The following ATE1 variants were observed in gnomAD, a reference collection of about 807,000 sequenced individuals.
The protein encoded by ATE1 is arginyl-tRNA--protein transferase 1.
A neutral mutation model predicts 70.5 loss-of-function variants in ATE1; 36 were observed. The observed-to-expected ratio is 0.51, with a 90% CI of 0.39 to 0.67. The LOEUF is 0.67. ATE1 is among the 30% of genes least tolerant of loss of function. The probability of loss-of-function intolerance (pLI) is 0.00; values close to 1 mark genes in which losing one functional copy is unlikely to be tolerated. For missense variants in ATE1, 593 were observed against 629.5 expected, an observed-to-expected ratio of 0.94 and a Z score of 0.62; for synonymous variants, 232 against 219.3, an observed-to-expected ratio of 1.06 and a Z score of -0.51.
chr10:121,790,628 T>C (rs1248083738), intron 10 of ATE1, among the ~76,000 whole-genome samples: 1 of 152,188 alleles, frequency 6.6e-6, no homozygotes, highest in Non-Finnish European at 1.5e-5. Context: ...CAAATACTAG[T>C]TAATTAACAA....
chr10:121,852,249 C>T (rs1380023593), intron 8 of ATE1, among the ~76,000 whole-genome samples: 1 of 152,154 alleles, frequency 6.6e-6, no homozygotes, highest in Non-Finnish European at 1.5e-5. Flanking sequence ...CCACATTGTA[C>T]CTGTACAATA....
At chr10:121,744,543 C>T (rs976418555) in intron 11 of ATE1, among the ~76,000 whole-genome samples, 1 of 152,168 alleles carries the variant, frequency 6.6e-6, no homozygotes, top group Admixed American at 6.5e-5. Context: ...TCTCCCTGTA[C>T]CAACATATTA....
At chr10:121,908,737 G>A (rs912390537) in intron 5 of ATE1, among the ~76,000 whole-genome samples, 2 of 152,148 alleles carry the variant, frequency 1.3e-5, no homozygotes, top group Non-Finnish European at 2.9e-5. Context: ...AAGTGATCTT[G>A]CCCATCCTCA....
At chr10:121,782,385 C>T (rs1946030153) in intron 11 of ATE1, 1 of 152,204 alleles carries the variant, frequency 6.6e-6, no homozygotes, top group African/African-American at 2.4e-5. Context: ...AGCTGATGAA[C>T]AGCTTGATGA....
intron 7 of ATE1, among the ~76,000 whole-genome samples, chr10:121,888,350 C>T (rs541966552): frequency 1.3e-5 from 2 of 152,072 alleles, no homozygotes; most frequent in African/African-American, 2.4e-5. Flanking sequence ...GCCGAAATCA[C>T]GCGACTGCAC....
At chr10:121,892,355 G>A (rs1479878174) in intron 7 of ATE1, among the ~76,000 whole-genome samples, 1 of 152,074 alleles carries the variant, frequency 6.6e-6, no homozygotes, top group East Asian at 1.9e-4. Context: ...ACCTGGACCA[G>A]AGGTGTCATT....
At chr10:121,919,695 C>T (rs1038441887) in intron 3 of ATE1, among the ~76,000 whole-genome samples, 1 of 151,796 alleles carries the variant, frequency 6.6e-6, no homozygotes, top group Admixed American at 6.5e-5. Context: ...ATCACGAGTT[C>T]GAGAGTAGCG....
At chr10:121,851,137 C>T (rs1031052450) in intron 8 of ATE1, among the ~76,000 whole-genome samples, 3 of 141,272 alleles carry the variant, frequency 2.1e-5, no homozygotes, top group Non-Finnish European at 4.5e-5. Flanking sequence ...TTTCAGTGTC[C>T]AGGCAGGGTG....
chr10:121,806,863 G>A (rs923692288), intron 10 of ATE1, among the ~76,000 whole-genome samples: 2 of 152,178 alleles, frequency 1.3e-5, no homozygotes, highest in Non-Finnish European at 1.5e-5. Context: ...CAAGTTTTCT[G>A]CAGGTTTGAC....
intron 10 of ATE1, among the ~76,000 whole-genome samples, chr10:121,810,497 C>G (rs1485963286): frequency 6.6e-6 from 1 of 151,992 alleles, no homozygotes; most frequent in Non-Finnish European, 1.5e-5. Context: ...GTCTCGATAC[C>G]CTGACCTTGT....
chr10:121,743,554 T>C lies in ATE1; in HGVS notation c.*126A>G, dbSNP rs2135632672. ...GCCACAAAATATTTTTTAAAAGCCA[T>C]AGATAGTCAAAATAAAAAATGTCTA... On this transcript the variant is annotated 3_prime_UTR_variant, in exon 12 of 12. Transcript: ENST00000224652. The C allele has an allele frequency of 1.4e-6, 2 of 1,383,196 alleles. No homozygotes were observed. Among genetic ancestry groups the C allele is most frequent in the East Asian group, 2.6e-5 (1 of 38,006 alleles). The allele number at this position is 1,383,196 out of a possible 1,614,324, so 85.7% of individuals were successfully genotyped here. A position where few individuals can be genotyped will look rare whatever the true frequency, so the allele number is the denominator to read the frequency against.
intron 10 of ATE1, among the ~76,000 whole-genome samples, chr10:121,829,219 T>C (rs1441871194): frequency 6.6e-6 from 1 of 151,912 alleles, no homozygotes; most frequent in Non-Finnish European, 1.5e-5. Flanking sequence ...GGTCAAGAGA[T>C]CGAGACCATC....
intron 10 of ATE1, among the ~76,000 whole-genome samples, chr10:121,817,679 T>G (rs1947614123): frequency 6.6e-6 from 1 of 152,124 alleles, no homozygotes; most frequent in Non-Finnish European, 1.5e-5. Flanking sequence ...AAACAGTATC[T>G]TTGTATCAAG....
chr10:121,817,553 A>C (rs901781221), intron 10 of ATE1, among the ~76,000 whole-genome samples: 5 of 147,502 alleles, frequency 3.4e-5, no homozygotes, highest in African/African-American at 1.3e-4. Context: ...AAAAAAAAGA[A>C]GAGCTCAAAT....
intron 8 of ATE1, among the ~76,000 whole-genome samples, chr10:121,855,378 GGATGACA>G (rs1409923075): frequency 6.6e-6 from 1 of 152,132 alleles, no homozygotes; most frequent in Non-Finnish European, 1.5e-5. Context: ...ATTCTCTGTT[GGATGACA>G]GATGACAGAG....
chr10:121,871,685 C>T (rs980806881), intron 7 of ATE1, among the ~76,000 whole-genome samples: 5 of 151,438 alleles, frequency 3.3e-5, no homozygotes, highest in Admixed American at 2.6e-4. Flanking sequence ...ATCATTTAGG[C>T]CCTAGTTGAC....
chr10:121,817,853 G>T (rs2133552155), intron 10 of ATE1, among the ~76,000 whole-genome samples: 2 of 152,232 alleles, frequency 1.3e-5, no homozygotes, highest in South Asian at 4.2e-4. Context: ...AACAAGGATG[G>T]TTCCAACCCT....
chr10:121,837,196 A>G (rs2133755753), intron 9 of ATE1, among the ~76,000 whole-genome samples: 1 of 152,324 alleles, frequency 6.6e-6, no homozygotes, highest in South Asian at 2.1e-4. Context: ...GAAAACTCAA[A>G]AGCCAATAAA....
intron 11 of ATE1, among the ~76,000 whole-genome samples, chr10:121,775,461 G>A (rs754556525): frequency 1.2e-4 from 18 of 151,796 alleles, no homozygotes; most frequent in Non-Finnish European, 2.2e-4. Flanking sequence ...TGCACATCCC[G>A]GAACTTAAAG....
Sources: gnomAD v4.1 joint callset for allele counts (sites outside exome capture counted in the v4.1 genomes callset) on GRCh38, gnomAD v4.1.1 for gene constraint, MANE v1.5 for transcripts, NCBI Gene and HGNC (gene_info 2026-07-23, HGNC 2026-07-21) for gene names.